RBM23: variants seen among roughly 807,000 people sequenced by gnomAD.
RBM23 encodes the protein probable RNA-binding protein 23.
A neutral mutation model predicts 56.2 loss-of-function variants in RBM23; 53 were observed. That is an observed-to-expected ratio of 0.94 (90% CI 0.76 to 1.19). The LOEUF is 1.19. Ranked by LOEUF, RBM23 falls within the 50% of genes most tolerant of loss-of-function variation. The pLI, the probability that RBM23 is intolerant of heterozygous loss-of-function variation, is 0.00. For missense variants in RBM23, 642 were observed against 590.3 expected (o/e 1.09, Z -0.91); for synonymous variants, 197 against 198.5 (o/e 0.99, Z 0.06).
At chr14:22,903,873 T>C in intron 10 of RBM23, 1 of 1,157,844 alleles carries the variant, frequency 8.6e-7, no homozygotes, top group Non-Finnish European at 1.1e-6. Context: ...CAGAGGGAAG[T>C]ATAATTTCCT....
intron 3 of RBM23, 84 bp downstream of exon 3, chr14:22,909,399 T>C: frequency 1.9e-6 from 2 of 1,076,298 alleles, no homozygotes; most frequent in South Asian, 2.5e-5. Context: ...ACAGAAACAA[T>C]CTCCCTATTC....
At chr14:22,901,777 A>C in intron 13 of RBM23, 37 bp downstream of exon 13, 1 of 1,613,946 alleles carries the variant, frequency 6.2e-7, no homozygotes. Flanking sequence ...GAAAGAGAAT[A>C]ATCAAAGGCT....
Position 22,902,093 on chromosome 14 carries a change from C to A in RBM23, c.1133G>T (p.Gly378Val). ...QLMAKLAEGA[G>V]IQLPSTAAAA... is the part of the protein sequence containing the mutation. ...AGCAGCAGTGCTTGGCAGTTGGATT[C>A]CAGCGCCTAAAAGGAAAAGAAAAGG... Residue 378 changes from glycine to valine, a missense_variant, in exon 12 of 14, where the codon GGA becomes GTA. Coordinates refer to ENST00000359890, the MANE Select transcript of RBM23 (RefSeq NM_001077351.2). 1.2e-6 allele frequency: 2 copies of A among 1,608,662 alleles called. No homozygotes were observed. The highest frequency in any genetic ancestry group is 8.5e-7 in the Non-Finnish European group (1 of 1,176,904).
Position 22,896,921 on chromosome 14 carries a change from T to C in RBM23, c.*4809A>G, listed in dbSNP as rs2138847004. Reference sequence around the variant, plus strand: ...ATGCAGCTTCTCAGACCGGAATTCCTTTCCTGCATCCAGCTCGTGACTATT... The same window carrying C: ...ATGCAGCTTCTCAGACCGGAATTCCCTTCCTGCATCCAGCTCGTGACTATT... On this transcript the variant is annotated 3_prime_UTR_variant, in exon 14 of 14. Coordinates refer to ENST00000359890, the MANE Select transcript of RBM23 (RefSeq NM_001077351.2). 1 of 152,344 alleles carries C rather than the reference T, an allele frequency of 6.6e-6. No homozygotes were observed. Among genetic ancestry groups the C allele is most frequent in the South Asian group, 2.1e-4 (1 of 4,830 alleles). 9.4% of individuals were successfully genotyped at this position (152,344 alleles called of 1,614,324 possible). A position where few individuals can be genotyped will look rare whatever the true frequency, so the allele number is the denominator to read the frequency against.
chr14:22,918,717 T>C (rs1475140403), intron 1 of RBM23, among the ~76,000 whole-genome samples: 2 of 152,100 alleles, frequency 1.3e-5, no homozygotes, highest in African/African-American at 2.4e-5. Context: ...GTGTCACGGC[T>C]GCAGAGACCC....
chr14:22,902,238 C>T lies in RBM23; in HGVS notation c.1075G>A (p.Asp359Asn). The T allele has an allele frequency of 6.2e-7, 1 of 1,614,238 alleles. No individual in the cohort carries two copies. Among genetic ancestry groups the T allele is most frequent in the Non-Finnish European group, 8.5e-7 (1 of 1,180,044 alleles). ...ITFPDGDQEL[D>N]LGSAGGRFQL... is the part of the protein sequence containing the mutation. ...AAACGTCCACCTGCTGATCCCAGAT[C>T]CAGCTCCTGGTCCCCATCAGGAAAA... The change falls in exon 11 of 14, where the codon GAT (aspartate) becomes AAT (asparagine). Residue 359 changes from aspartate (D) to asparagine (N), a missense_variant. Coordinates refer to ENST00000359890, the MANE Select transcript of RBM23 (RefSeq NM_001077351.2).
At chr14:22,910,477 A>G (rs897351105) in intron 2 of RBM23, among the ~76,000 whole-genome samples, 9 of 128,228 alleles carry the variant, frequency 7.0e-5, no homozygotes, top group South Asian at 3.0e-4. Context: ...AAAAAAAAAG[A>G]AAGGAAAAAA....
intron 9 of RBM23, 105 bp from the exon 10 acceptor site, chr14:22,904,431 A>C: frequency 1.0e-6 from 1 of 982,002 alleles, no homozygotes. Context: ...AGTCTCAAAA[A>C]GTCTCACCCA....
Position 22,906,386 on chromosome 14 carries a change from TAC to T in RBM23, c.228-20_228-19del, listed in dbSNP as rs2041562422. The T allele has an allele frequency of 4.3e-6, 7 of 1,613,014 alleles. No homozygotes were observed. The South Asian group carries it at 6.6e-5, about 15-fold the overall frequency. On this transcript the variant is annotated intron_variant, in intron 4 of 13. Transcript: ENST00000359890. ...GACTACGACTACAGAGGGAAACAAC[TAC>T]AGTCATGCCCACATCATGTTTAGGC...
At chr14:22,908,058 T>C (rs1172521857) in intron 4 of RBM23, among the ~76,000 whole-genome samples, 2 of 152,234 alleles carry the variant, frequency 1.3e-5, no homozygotes, top group Non-Finnish European at 2.9e-5. Context: ...TCTCCATCTG[T>C]TGCCCAGGCA....
rs2040495122 is a variant in RBM23 at position 22,901,651 on chromosome 14, G to A, written c.*79C>T. ...TCAGGATGGCTTGGTCCACAAAATG[G>A]AGAAATGGGGCCATGGAAGAGTAGA... On this transcript the variant is annotated 3_prime_UTR_variant, in exon 14 of 14. Transcript: ENST00000359890. 1 of 1,564,478 alleles carries A rather than the reference G, an allele frequency of 6.4e-7. No individual in the cohort carries two copies. The highest frequency in any genetic ancestry group is 8.8e-7 in the Non-Finnish European group (1 of 1,135,662).
chr14:22,902,899 C>G lies in RBM23; in HGVS notation c.931-517G>C. 9.6e-6 allele frequency: 7 copies of G among 727,448 alleles called. No individual in the cohort carries two copies. The South Asian group carries it at 4.4e-4, about 45-fold the overall frequency. The allele number at this position is 727,448 out of a possible 1,614,324, so 45.1% of individuals were successfully genotyped here. A position where few individuals can be genotyped will look rare whatever the true frequency, so the allele number is the denominator to read the frequency against. ...AAGCAATTCTCCTGCCTCAGCCTCC[C>G]GAGTAGCTGGAATTACAGGCACCCA... On this transcript the variant is annotated intron_variant, in intron 10 of 13. Transcript: ENST00000359890.
chr14:22,904,081 A>G, intron 10 of RBM23, 180 bp downstream of exon 10: 1 of 1,526,294 alleles, frequency 6.6e-7, no homozygotes, highest in African/African-American at 1.4e-5. Flanking sequence ...GTAGGAGCAA[A>G]GCCAAGATCT....
chr14:22,905,948 C>T, intron 5 of RBM23: 3 of 598,922 alleles, frequency 5.0e-6, no homozygotes, highest in Non-Finnish European at 5.8e-6. Flanking sequence ...CAGGGTTTCG[C>T]CATGTTGTCC....
Position 22,896,337 on chromosome 14 carries a change from G to A in RBM23, c.*5393C>T, listed in dbSNP as rs2040248386. Reference sequence around the variant, plus strand: ...AGAGGGATCTGAACCATGCTGTGTGGTTCCAGAGTGTGACACTCGGCTACA... The same window carrying A: ...AGAGGGATCTGAACCATGCTGTGTGATTCCAGAGTGTGACACTCGGCTACA... On this transcript the variant is annotated 3_prime_UTR_variant, in exon 14 of 14. Transcript: ENST00000359890. 6.6e-6 allele frequency: 1 copy of A among 152,204 alleles called. No homozygotes were observed. The highest frequency in any genetic ancestry group is 2.4e-5 in the African/African-American group (1 of 41,434). 9.4% of individuals were successfully genotyped at this position (152,204 alleles called of 1,614,324 possible).
rs61680322 is a variant in RBM23 at position 22,902,046 on chromosome 14, G to GGGCGGC, written c.1174_1179dup (p.Ala392_Ala393dup). On this transcript the variant is annotated inframe_insertion, in exon 12 of 14. Coordinates refer to ENST00000359890, the MANE Select transcript of RBM23 (RefSeq NM_001077351.2). ...CCATTCAGTTGCAAGGCAGCAGCCT[G>GGGCGGC]GGCGGCGGCGGCAGCAGCAGCAGCA... The GGGCGGC allele has an allele frequency of 7.5e-5, 116 of 1,546,444 alleles. No individual in the cohort carries two copies. The highest frequency in any genetic ancestry group is 2.3e-4 in the Admixed American group (13 of 57,258).
rs906920797 is a variant in RBM23, at chr14:22,902,681, A to T, written c.931-299T>A. 3 of 1,070,102 alleles carry T rather than the reference A, an allele frequency of 2.8e-6. No individual in the cohort carries two copies. In the African/African-American group the frequency reaches 5.0e-5, roughly 18 times the overall value. 66.3% of individuals were successfully genotyped at this position (1,070,102 alleles called of 1,614,324 possible). A position where few individuals can be genotyped will look rare whatever the true frequency, so the allele number is the denominator to read the frequency against. On this transcript the variant is annotated intron_variant, in intron 10 of 13. Transcript: ENST00000359890. ...CTGACAAGTTATTTCACAAATGGGT[A>T]TATCAAATGGAAGACAAGCTAAGAA...
rs2041969123 is a variant in RBM23, at chr14:22,908,612, T to C, written c.180-232A>G. 4.8e-6 allele frequency: 2 copies of C among 416,994 alleles called. 1 individual carries two copies. The highest frequency in any genetic ancestry group is 5.6e-5 in the South Asian group (2 of 35,996). 25.8% of individuals were successfully genotyped at this position (416,994 alleles called of 1,614,324 possible). A position where few individuals can be genotyped will look rare whatever the true frequency, so the allele number is the denominator to read the frequency against. ...TTTCGCTATGTTGGCCAGGTTCATC[T>C]TGAACCCCTGGCCTCAAGTGATCCA... On this transcript the variant is annotated intron_variant, in intron 3 of 13. Coordinates refer to ENST00000359890, the MANE Select transcript of RBM23 (RefSeq NM_001077351.2).
At chr14:22,914,553 C>T (rs940762487) in intron 1 of RBM23, among the ~76,000 whole-genome samples, 2 of 151,866 alleles carry the variant, frequency 1.3e-5, no homozygotes, top group Admixed American at 6.6e-5. Context: ...CATATCAAAA[C>T]GCATGAAAGT....
Sources: allele counts gnomAD v4.1 joint callset (sites outside exome capture counted in the v4.1 genomes callset), GRCh38; gene constraint gnomAD v4.1.1; transcripts MANE v1.5; gene names NCBI Gene and HGNC (gene_info 2026-07-23, HGNC 2026-07-21).